CASP2: variants seen among roughly 807,000 people sequenced by gnomAD.
CASP2 encodes caspase 2.
Under a neutral mutation model 54.4 loss-of-function variants are expected in CASP2, and 38 were observed. The ratio of observed to expected loss-of-function variants is 0.70; its 90% CI spans 0.54 to 0.92. The LOEUF (loss-of-function observed/expected upper bound fraction) is 0.92. Ranked by LOEUF, CASP2 falls within the 40% of genes least tolerant of loss-of-function variation. CASP2 has a pLI of 0.00. For missense variants in CASP2, 512 were observed against 579.6 expected, an observed-to-expected ratio of 0.88 and a Z score of 1.20; for synonymous variants, 215 against 216.3, an observed-to-expected ratio of 0.99 and a Z score of 0.05.
intron 8 of CASP2, chr7:143,301,014 TGAAGTTAAA>T (rs1801901615): frequency 1.3e-6 from 1 of 774,136 alleles, no homozygotes; most frequent in Admixed American, 5.3e-5. Context: ...ACTAGTAACG[TGAAGTTAAA>T]GAAGTTAAAT....
chr7:143,304,907 T>C (rs527570848), intron 10 of CASP2, 33 bp from the exon 11 acceptor site: 1 of 1,614,184 alleles, frequency 6.2e-7, no homozygotes, highest in African/African-American at 1.3e-5. Flanking sequence ...CCCGAGATTC[T>C]CAGACTTGGG....
chr7:143,288,378 G>A lies in CASP2; in HGVS notation c.-78G>A, dbSNP rs1032223763. ...AGTGTGCGTCCGCGTCTGAGGGGAG[G>A]GATGTGGGGGAAGCGACGGCCCCCG... On this transcript the variant is annotated 5_prime_UTR_variant, in exon 1 of 11. Coordinates refer to ENST00000310447, the MANE Select transcript of CASP2 (RefSeq NM_032982.4). The A allele has an allele frequency of 2.8e-6, 4 of 1,415,666 alleles. No individual in the cohort carries two copies. Among genetic ancestry groups the A allele is most frequent in the East Asian group, 2.3e-5 (1 of 42,634 alleles). 87.7% of individuals were successfully genotyped at this position (1,415,666 alleles called of 1,614,324 possible).
intron 6 of CASP2, among the ~76,000 whole-genome samples, 163 bp downstream of exon 6, chr7:143,294,936 G>A (rs1488590269): frequency 2.0e-5 from 3 of 152,080 alleles, no homozygotes; most frequent in African/African-American, 7.2e-5. Context: ...TTGCATTCTA[G>A]TAAGAAAGAA....
intron 6 of CASP2, among the ~76,000 whole-genome samples, chr7:143,296,365 C>A (rs1801750662): frequency 6.6e-6 from 1 of 152,198 alleles, no homozygotes; most frequent in Admixed American, 6.5e-5. Flanking sequence ...GTTTTGACAT[C>A]AGCATAAAAG....
At chr7:143,293,216 C>G (rs1232830828) in intron 4 of CASP2, 1 of 586,300 alleles carries the variant, frequency 1.7e-6, no homozygotes, top group Non-Finnish European at 3.0e-6. Flanking sequence ...CAGCGTTGAA[C>G]TCCTGGGTTG....
At chr7:143,291,800 T>TTTTTTTTA (rs1801576571) in intron 2 of CASP2, 110 bp downstream of exon 2, 1 of 913,452 alleles carries the variant, frequency 1.1e-6, no homozygotes. Flanking sequence ...TTTTTTTTTT[T>TTTTTTTTA]GAGACAGAGT....
chr7:143,294,785 G>A lies in CASP2; in HGVS notation c.747+12G>A. 6.2e-7 allele frequency: 1 copy of A among 1,611,242 alleles called. No homozygotes were observed. The highest frequency in any genetic ancestry group is 1.1e-5 in the South Asian group (1 of 90,772). On this transcript the variant is annotated intron_variant, in intron 6 of 10. Transcript: ENST00000310447. ...ACCAGACTGCACAGGTACCTGAGGT[G>A]GGAAAAATTGACATGTAAATTAGAG...
chr7:143,296,038 T>C (rs781304600), intron 6 of CASP2, among the ~76,000 whole-genome samples: 57 of 152,210 alleles, frequency 3.7e-4, no homozygotes, highest in Admixed American at 4.6e-4. Context: ...AAATCTATTA[T>C]GTCATGGTTT....
rs1040068303 is a variant in CASP2 at position 143,289,852 on chromosome 7, C to T, written c.74+1323C>T. Among the ~76,000 whole-genome samples the T allele has an allele frequency of 3.0e-4, 45 of 152,240 alleles. 1 individual carries two copies. The highest frequency in any genetic ancestry group is 2.6e-3 in the Admixed American group (40 of 15,280). ...GGAGTTTCAGACTCATTTTTCCAAA[C>T]CTCAGATTCATTGGCTGCTTCCAAC... On this transcript the variant is annotated intron_variant, in intron 1 of 10. Transcript: ENST00000310447.
chr7:143,288,760 C>T (rs1431104404), intron 1 of CASP2, among the ~76,000 whole-genome samples: 1 of 152,248 alleles, frequency 6.6e-6, no homozygotes, highest in Non-Finnish European at 1.5e-5. Context: ...CTGCCCCAGC[C>T]TCCCTTTGTT....
In CASP2 at chr7:143,306,857, A is replaced by C. The variant is rs890138619; in HGVS notation, c.*1786A>C. 6.6e-6 allele frequency: 1 copy of C among 152,146 alleles called. No homozygotes were observed. Among genetic ancestry groups the C allele is most frequent in the African/African-American group, 2.4e-5 (1 of 41,428 alleles). The allele number at this position is 152,146 out of a possible 1,614,324, so 9.4% of individuals were successfully genotyped here. On this transcript the variant is annotated 3_prime_UTR_variant, in exon 11 of 11. Coordinates refer to ENST00000310447, the MANE Select transcript of CASP2 (RefSeq NM_032982.4). The stretch of plus-strand genomic sequence containing the variant: ...CCTGCTTAGAACCCTTCTGCTTTCT[A>C]TTACCCCTCATTTAAAATGTAAACT...
At chr7:143,288,626 C>T in intron 1 of CASP2, 97 bp downstream of exon 1, 1 of 1,150,108 alleles carries the variant, frequency 8.7e-7, no homozygotes, top group South Asian at 1.4e-5. Context: ...CCCTCGGAGC[C>T]CCGGAAAGCA....
intron 9 of CASP2, among the ~76,000 whole-genome samples, chr7:143,304,255 G>A (rs545425790): frequency 4.5e-4 from 68 of 152,308 alleles, no homozygotes; most frequent in Non-Finnish European, 7.1e-4. Flanking sequence ...TTTACAAATT[G>A]AAGGTTTGTG....
intron 4 of CASP2, chr7:143,293,173 G>T: frequency 1.5e-6 from 1 of 657,616 alleles, no homozygotes; most frequent in South Asian, 1.7e-5. Flanking sequence ...TGTCACCCAG[G>T]CTGGAATGCA....
chr7:143,300,647 G>A, intron 8 of CASP2: 1 of 1,281,782 alleles, frequency 7.8e-7, no homozygotes, highest in Non-Finnish European at 1.0e-6. Context: ...ACGGATTTTT[G>A]ATCTGTCTTT....
At chr7:143,304,878 G>A (rs780277734) in intron 10 of CASP2, 62 bp from the exon 11 acceptor site, 102 of 1,612,544 alleles carry the variant, frequency 6.3e-5, no homozygotes, top group Non-Finnish European at 8.4e-5. Context: ...TCCCCTTCCC[G>A]TTTGCTGCTC....
At chr7:143,303,761 C>T in intron 8 of CASP2, 23 bp from the exon 9 acceptor site, 2 of 1,611,336 alleles carry the variant, frequency 1.2e-6, no homozygotes, top group South Asian at 1.1e-5. Flanking sequence ...CATCATTGTC[C>T]ATTCTGTCTG....
chr7:143,300,716 A>G (rs1169751783), intron 8 of CASP2: 38 of 1,196,030 alleles, frequency 3.2e-5, no homozygotes, highest in Non-Finnish European at 3.8e-5. Flanking sequence ...CACTTGTTCC[A>G]TATACTTCCC....
intron 2 of CASP2, among the ~76,000 whole-genome samples, chr7:143,292,000 G>T (rs1052770606): frequency 6.6e-6 from 1 of 151,784 alleles, no homozygotes; most frequent in Non-Finnish European, 1.5e-5. Flanking sequence ...GGAGGGTGTC[G>T]ATCTCCTGAC....
Sources: allele counts gnomAD v4.1 joint callset (sites outside exome capture counted in the v4.1 genomes callset), GRCh38; gene constraint gnomAD v4.1.1; transcripts MANE v1.5; gene names NCBI Gene and HGNC (gene_info 2026-07-23, HGNC 2026-07-21).